UNK: variants seen among roughly 807,000 people sequenced by gnomAD.
UNK encodes the protein unk zinc finger.
In UNK, 32 loss-of-function variants were observed where a neutral mutation model predicts 97.6. That is an observed-to-expected ratio of 0.33 (90% CI 0.25 to 0.44). UNK has a LOEUF of 0.44. UNK is among the 20% of genes least tolerant of loss of function. The probability of loss-of-function intolerance (pLI) is 1.00; values close to 1 mark genes in which losing one functional copy is unlikely to be tolerated. For missense variants in UNK, 771 were observed against 1,098.4 expected, an observed-to-expected ratio of 0.70 and a Z score of 4.21; for synonymous variants, 441 against 461.2, an observed-to-expected ratio of 0.96 and a Z score of 0.56.
intron 1 of UNK, among the ~76,000 whole-genome samples, chr17:75,806,819 A>T (rs958075595): frequency 1.3e-5 from 2 of 152,188 alleles, no homozygotes; most frequent in African/African-American, 4.8e-5. Flanking sequence ...CTCTAGGAAG[A>T]GGGTTGAGCA....
At chr17:75,814,775 T>A (rs1346484977) in intron 6 of UNK, among the ~76,000 whole-genome samples, 1 of 152,184 alleles carries the variant, frequency 6.6e-6, no homozygotes, top group African/African-American at 2.4e-5. Flanking sequence ...GGAAGGTTAC[T>A]TATATAGGTC....
chr17:75,787,793 C>A (rs967032890), intron 1 of UNK, among the ~76,000 whole-genome samples: 7 of 151,248 alleles, frequency 4.6e-5, no homozygotes, highest in Non-Finnish European at 8.8e-5. Flanking sequence ...CCACTGCACT[C>A]CAACCTGGGT....
At chr17:75,801,706 C>A (rs1386999464) in intron 1 of UNK, among the ~76,000 whole-genome samples, 1 of 151,914 alleles carries the variant, frequency 6.6e-6, no homozygotes, top group Non-Finnish European at 1.5e-5. Flanking sequence ...GCCACCACAC[C>A]TGGCTAATTT....
intron 1 of UNK, among the ~76,000 whole-genome samples, chr17:75,802,005 G>A (rs553823341): frequency 6.6e-6 from 1 of 151,848 alleles, no homozygotes; most frequent in Admixed American, 6.6e-5. Context: ...GAGCCACCAC[G>A]CCTGGGTAAT....
At chr17:75,802,848 C>T (rs371622273) in intron 1 of UNK, among the ~76,000 whole-genome samples, 11 of 152,194 alleles carry the variant, frequency 7.2e-5, no homozygotes, top group Non-Finnish European at 1.6e-4. Context: ...AAAAGAAGGC[C>T]GGGCACCATG....
intron 13 of UNK, among the ~76,000 whole-genome samples, chr17:75,820,913 C>G (rs1022304416): frequency 1.1e-4 from 17 of 152,226 alleles, no homozygotes; most frequent in African/African-American, 4.1e-4. Context: ...TCCCTTATCT[C>G]ATTCCTGATC....
intron 1 of UNK, among the ~76,000 whole-genome samples, chr17:75,803,375 C>A (rs145249090): frequency 4.6e-5 from 7 of 152,266 alleles, no homozygotes; most frequent in African/African-American, 1.7e-4. Context: ...TGCATTTCAG[C>A]CTGGTGACAG....
At chr17:75,797,966 T>G (rs17581498) in intron 1 of UNK, among the ~76,000 whole-genome samples, 14,479 of 152,092 alleles carry the variant, frequency 0.095, 872 homozygotes, top group Non-Finnish European at 0.13. Flanking sequence ...GTCTCTGTAC[T>G]CAAATCTGTA....
rs2143842692 is a variant in UNK at position 75,824,487 on chromosome 17, TGA to T, written c.*71_*72del. On this transcript the variant is annotated 3_prime_UTR_variant, in exon 16 of 16. Coordinates refer to ENST00000589666, the MANE Select transcript of UNK (RefSeq NM_001080419.3). This position sits in a 1 kb window ranked among gnomAD's most constrained non-coding sequence, Gnocchi z 4.9. ...ACTTTTTAAAGTATATATATATATA[TGA>T]ATATATATATATATGTGTATGTATG... 67 of 952,828 alleles carry T rather than the reference TGA, an allele frequency of 7.0e-5. 1 individual carries two copies. The highest frequency in any genetic ancestry group is 4.0e-4 in the Middle Eastern group (1 of 2,506). 59.0% of individuals were successfully genotyped at this position (952,828 alleles called of 1,614,324 possible).
Position 75,818,720 on chromosome 17 carries a change from AC to A in UNK, c.1457del (p.Pro486LeufsTer12). On this transcript the variant is annotated frameshift_variant, in exon 11 of 16. Transcript: ENST00000589666. LOFTEE classifies it high-confidence loss of function. The surrounding 1 kb of genome is among the most constrained non-coding windows in gnomAD (Gnocchi z 5.1). ...TAGTATCACCTCCAGCCTGGCAGCT[AC>A]CCCCCCTAGCCCAGTGGGCACCAGC... is the stretch of plus-strand genomic sequence containing the variant. ...SSSITSSLAATPPSPVGTSSV... is the reference protein window; with the variant it reads ...SSSITSSLAAXPPSPVGTSSV... The A allele has an allele frequency of 1.9e-6, 3 of 1,611,662 alleles. No individual in the cohort carries two copies. The highest frequency in any genetic ancestry group is 2.2e-5 in the South Asian group (2 of 90,800).
In UNK at chr17:75,819,595, G is replaced by C; in HGVS notation, c.1547-89G>C. 2.5e-6 allele frequency: 3 copies of C among 1,221,542 alleles called. No individual in the cohort carries two copies. The highest frequency in any genetic ancestry group is 3.6e-6 in the Non-Finnish European group (3 of 830,578). The allele number at this position is 1,221,542 out of a possible 1,614,324, so 75.7% of individuals were successfully genotyped here. A position where few individuals can be genotyped will look rare whatever the true frequency, so the allele number is the denominator to read the frequency against. ...GAGAATACGGACCCAGCGTAGCATGGGCGTGAAGATGCAGCGTGGGCAGTA... is the reference window on the plus strand; with the variant it reads ...GAGAATACGGACCCAGCGTAGCATGCGCGTGAAGATGCAGCGTGGGCAGTA... On this transcript the variant is annotated intron_variant, in intron 11 of 15. Transcript: ENST00000589666. This position sits in a 1 kb window ranked among gnomAD's most constrained non-coding sequence, Gnocchi z 5.4.
intron 13 of UNK, chr17:75,821,963 TTGTCTGTAAAA>T (rs1204223137): frequency 3.0e-6 from 1 of 328,434 alleles, no homozygotes. Flanking sequence ...TCCAGGGTCC[TTGTCTGTAAAA>T]CAAGGGGGAT....
In UNK at chr17:75,809,982, G is replaced by C; in HGVS notation, c.314+13G>C. On this transcript the variant is annotated intron_variant, in intron 2 of 15. Transcript: ENST00000589666. Reference sequence around the variant, plus strand: ...CGGAGGGCGACGAGTGAGTGACCCAGCCTGTCCTCAGAGGAGCCCCGTGTC... The same window carrying C: ...CGGAGGGCGACGAGTGAGTGACCCACCCTGTCCTCAGAGGAGCCCCGTGTC... 4 of 1,613,206 alleles carry C rather than the reference G, an allele frequency of 2.5e-6. No homozygotes were observed. The highest frequency in any genetic ancestry group is 2.5e-6 in the Non-Finnish European group (3 of 1,179,712).
At chr17:75,794,569 C>T (rs139354044) in intron 1 of UNK, among the ~76,000 whole-genome samples, 6 of 151,442 alleles carry the variant, frequency 4.0e-5, no homozygotes, top group African/African-American at 1.5e-4. Flanking sequence ...ACCCAGGAGG[C>T]GCAGGTTGCG....
At position 75,824,557 on chromosome 17, in the gene UNK, T is replaced by C; in HGVS notation, c.*140T>C. 2 of 598,490 alleles carry C rather than the reference T, an allele frequency of 3.3e-6. No individual in the cohort carries two copies. Among genetic ancestry groups the C allele is most frequent in the Non-Finnish European group, 4.5e-6 (2 of 447,764 alleles). The allele number at this position is 598,490 out of a possible 1,614,324, so 37.1% of individuals were successfully genotyped here. On this transcript the variant is annotated 3_prime_UTR_variant, in exon 16 of 16. Transcript: ENST00000589666. The surrounding 1 kb of genome is among the most constrained non-coding windows in gnomAD (Gnocchi z 4.9). The stretch of plus-strand genomic sequence containing the variant: ...TTATGTATATGTATACATTTCCGTA[T>C]GTATGTATATGTATACATTTCCGTA...
rs1257136581 is a variant in UNK at position 75,809,749 on chromosome 17, T to G, written c.105-11T>G. 10 of 1,596,778 alleles carry G rather than the reference T, an allele frequency of 6.3e-6. No individual in the cohort carries two copies. Among genetic ancestry groups the G allele is most frequent in the Admixed American group, 1.7e-5 (1 of 57,258 alleles). On this transcript the variant is annotated splice_polypyrimidine_tract_variant and intron_variant, in intron 1 of 15. Transcript: ENST00000589666. ...GCTCCCGGCCTGCCCCACGCGGGGC[T>G]CTCTCTGCAGGTACCTGAAAGAATT...
chr17:75,806,017 C>T (rs796581770), intron 1 of UNK, among the ~76,000 whole-genome samples: 8 of 151,284 alleles, frequency 5.3e-5, no homozygotes, highest in African/African-American at 1.5e-4. Context: ...GAGACTGAGG[C>T]GCTTGAACCC....
At chr17:75,811,280 A>G (rs944789908) in intron 2 of UNK, among the ~76,000 whole-genome samples, 2 of 152,018 alleles carry the variant, frequency 1.3e-5, no homozygotes, top group Non-Finnish European at 2.9e-5. Flanking sequence ...TAATTTGTAG[A>G]GATGGGTGAG....
chr17:75,812,848 C>T (rs2061982807), intron 4 of UNK, among the ~76,000 whole-genome samples: 1 of 152,250 alleles, frequency 6.6e-6, no homozygotes, highest in South Asian at 2.1e-4. Flanking sequence ...GCAAGAGTGC[C>T]CTTTCACCCT....
Sources: gnomAD v4.1 joint callset for allele counts (sites outside exome capture counted in the v4.1 genomes callset) on GRCh38, gnomAD v4.1.1 for gene constraint, Gnocchi (gnomAD v3.1) non-coding constraint, MANE v1.5 for transcripts, NCBI Gene and HGNC (gene_info 2026-07-23, HGNC 2026-07-21) for gene names.